Variants in RANBP2 observed in about 807,000 individuals in gnomAD.
RANBP2 encodes RAN binding protein 2.
RANBP2 carries 57 observed loss-of-function variants against 303.6 expected under a neutral mutation model. The observed-to-expected ratio is 0.19, with a 90% confidence interval of 0.15 to 0.23. The LOEUF is 0.23. RANBP2 is among the 10% of genes least tolerant of loss of function. The pLI is 1.00. For synonymous variants in RANBP2, 1,167 were observed against 1,301.5 expected (o/e 0.90, Z 2.23); for missense variants, 3,138 against 3,780.8 (o/e 0.83, Z 4.46).
the RANBP2 span, among the ~76,000 whole-genome samples, chr2:109,577,818 C>T: frequency 1.0e-4 from 15 of 146,004 alleles, no homozygotes; most frequent in Admixed American, 2.8e-4. Context: ...GAGGCTGAGG[C>T]TTAAGAATCA....
the RANBP2 span, among the ~76,000 whole-genome samples, chr2:109,456,337 C>T: frequency 6.6e-6 from 1 of 152,214 alleles, no homozygotes; most frequent in Non-Finnish European, 1.5e-5. Flanking sequence ...ATAAGGGGAG[C>T]CAGCATGTGC....
chr2:109,078,100 A>AGGCG, the RANBP2 span, among the ~76,000 whole-genome samples: 1,265 of 70,006 alleles, frequency 0.018, 168 homozygotes, highest in African/African-American at 0.06. Context: ...ATATATATAT[A>AGGCG]TATATATATA....
the RANBP2 span, among the ~76,000 whole-genome samples, chr2:109,048,894 A>C: frequency 1.8e-3 from 275 of 152,292 alleles, 1 homozygote; most frequent in African/African-American, 6.2e-3. Flanking sequence ...GAAAAATGAG[A>C]ATTGTGTTTT....
the RANBP2 span, among the ~76,000 whole-genome samples, chr2:109,662,194 TG>T: frequency 1.3e-5 from 2 of 152,198 alleles, no homozygotes; most frequent in Non-Finnish European, 2.9e-5. Flanking sequence ...GACTTTCCTT[TG>T]TCCTCCTTCC....
At chr2:108,805,257 A>G in the RANBP2 span, among the ~76,000 whole-genome samples, 2 of 152,156 alleles carry the variant, frequency 1.3e-5, no homozygotes, top group Admixed American at 6.6e-5. Flanking sequence ...AGAACTGATT[A>G]CATTTTTAGG....
the RANBP2 span, among the ~76,000 whole-genome samples, chr2:109,651,454 G>A: frequency 6.6e-6 from 1 of 152,224 alleles, no homozygotes; most frequent in African/African-American, 2.4e-5. Flanking sequence ...TACAAGAGGA[G>A]AATGAAAGCT....
At chr2:109,418,310 C>T in the RANBP2 span, among the ~76,000 whole-genome samples, 3 of 152,118 alleles carry the variant, frequency 2.0e-5, no homozygotes, top group Non-Finnish European at 2.9e-5. Context: ...ATGGAGTGTC[C>T]TGAGGCTTCC....
chr2:108,767,107 A>G lies in RANBP2; in HGVS notation c.6568A>G (p.Lys2190Glu). The change falls in exon 20 of 29, where the codon AAA (lysine) becomes GAA (glutamate). Residue 2190 changes from lysine (K) to glutamate (E), a missense_variant. By Grantham distance (56) the Lys-to-Glu change is moderately conservative (BLOSUM62 1). Coordinates refer to ENST00000283195, the MANE Select transcript of RANBP2 (RefSeq NM_006267.5). Reference sequence around the variant, plus strand: ...AACATTTTTGACAAATGATCAAACAAAAGTCACTGAGGAAGAAAATAAGGG... The same window carrying G: ...AACATTTTTGACAAATGATCAAACAGAAGTCACTGAGGAAGAAAATAAGGG... ...FKTFLTNDQT[K>E]VTEEENKGSG... 1.2e-6 allele frequency: 2 copies of G among 1,611,622 alleles called. No homozygotes were observed. Among genetic ancestry groups the G allele is most frequent in the East Asian group, 2.2e-5 (1 of 44,878 alleles).
At chr2:108,852,261 CTCT>C in the RANBP2 span, among the ~76,000 whole-genome samples, 4 of 152,184 alleles carry the variant, frequency 2.6e-5, no homozygotes, top group South Asian at 2.1e-4. Context: ...TAAGATACAA[CTCT>C]TCTTTATGGA....
At chr2:109,671,038 C>T in the RANBP2 span, among the ~76,000 whole-genome samples, 3 of 152,154 alleles carry the variant, frequency 2.0e-5, no homozygotes, top group South Asian at 2.1e-4. Context: ...TGAGTGCCTT[C>T]GCTGAAACTG....
At chr2:108,756,060 C>T (rs1676294475) in intron 17 of RANBP2, among the ~76,000 whole-genome samples, 1 of 152,126 alleles carries the variant, frequency 6.6e-6, no homozygotes, top group African/African-American at 2.4e-5. Flanking sequence ...ATGTGTCTCT[C>T]TCTTCATCTT....
At chr2:109,380,697 G>A in the RANBP2 span, among the ~76,000 whole-genome samples, 2 of 152,292 alleles carry the variant, frequency 1.3e-5, no homozygotes, top group East Asian at 1.9e-4. Context: ...AGGGCCTGGC[G>A]AAGGGGCACA....
At chr2:109,667,797 G>A in the RANBP2 span, 1 of 184,212 alleles carries the variant, frequency 5.4e-6, no homozygotes, top group Admixed American at 6.1e-5. Context: ...ACTGCTGGAT[G>A]CTCTGAGTAC....
chr2:108,839,554 T>G, the RANBP2 span, among the ~76,000 whole-genome samples: 1 of 152,158 alleles, frequency 6.6e-6, no homozygotes, highest in African/African-American at 2.4e-5. Flanking sequence ...GAACTTTGAT[T>G]TATCAGTGTT....
At chr2:109,432,655 G>A in the RANBP2 span, 15 of 1,612,362 alleles carry the variant, frequency 9.3e-6, 1 homozygote, top group South Asian at 2.2e-5. Flanking sequence ...CGGAAACTAC[G>A]TGACACCCGT....
the RANBP2 span, among the ~76,000 whole-genome samples, chr2:109,028,922 ATTGT>A: frequency 1.3e-5 from 2 of 151,972 alleles, no homozygotes; most frequent in African/African-American, 2.4e-5. Flanking sequence ...TTTAGTTGTG[ATTGT>A]TTATTTATTT....
chr2:109,072,667 G>A, the RANBP2 span, among the ~76,000 whole-genome samples: 1 of 152,184 alleles, frequency 6.6e-6, no homozygotes, highest in Non-Finnish European at 1.5e-5. Flanking sequence ...GTCTGAATGA[G>A]CATGCAGACC....
the RANBP2 span, among the ~76,000 whole-genome samples, chr2:109,415,475 C>A: frequency 7.9e-5 from 12 of 152,274 alleles, no homozygotes; most frequent in African/African-American, 2.9e-4. Context: ...GCTACAGTCG[C>A]GGCTGCTATT....
At chr2:108,992,615 G>A in the RANBP2 span, among the ~76,000 whole-genome samples, 1 of 152,222 alleles carries the variant, frequency 6.6e-6, no homozygotes, top group Non-Finnish European at 1.5e-5. Context: ...TGCAGGTGAA[G>A]TCTATCTCAG....
Sources: allele counts gnomAD v4.1 joint callset (sites outside exome capture counted in the v4.1 genomes callset), GRCh38; gene constraint gnomAD v4.1.1; transcripts MANE v1.5; gene names NCBI Gene and HGNC (gene_info 2026-07-23, HGNC 2026-07-21).